Variants in LPP observed in about 807,000 individuals in gnomAD.
LPP encodes LIM domain containing preferred translocation partner in lipoma.
A neutral mutation model predicts 60.4 loss-of-function variants in LPP; 38 were observed. The ratio of observed to expected loss-of-function variants is 0.63; its 90% confidence interval spans 0.49 to 0.83. LPP has a LOEUF of 0.83. Among genes scored for constraint, LPP ranks in the 40% least tolerant of loss-of-function variants. The probability of loss-of-function intolerance (pLI) is 0.00; values close to 1 mark genes in which losing one functional copy is unlikely to be tolerated. For synonymous variants in LPP, 328 were observed against 290.8 expected (o/e 1.13, Z -1.30); for missense variants, 902 against 783.6 (o/e 1.15, Z -1.80).
intron 9 of LPP, among the ~76,000 whole-genome samples, chr3:188,786,298 G>A (rs1051869504): frequency 5.6e-5 from 8 of 142,304 alleles, no homozygotes; most frequent in Non-Finnish European, 1.2e-4. Flanking sequence ...CAGGAGCATT[G>A]TTTGAACCTG....
chr3:188,722,946 T>G (rs1717033424), intron 8 of LPP, among the ~76,000 whole-genome samples: 1 of 152,218 alleles, frequency 6.6e-6, no homozygotes, highest in South Asian at 2.1e-4. Context: ...TATCTCTATT[T>G]GAATTAACAC....
chr3:188,592,557 G>GTTTTTGTTTTTTTTTTTTTTTT (rs1839048506), intron 6 of LPP, among the ~76,000 whole-genome samples: 1 of 85,756 alleles, frequency 1.2e-5, no homozygotes, highest in African/African-American at 4.5e-5. Context: ...TTTTGTTTTT[G>GTTTTTGTTTTTTTTTTTTTTTT]TTTTTTAAAT....
chr3:188,639,045 C>T (rs1473966954), intron 7 of LPP, among the ~76,000 whole-genome samples: 2 of 150,640 alleles, frequency 1.3e-5, no homozygotes, highest in Admixed American at 6.6e-5. Context: ...CAAAAAAGAG[C>T]CCGCATCACC....
chr3:188,210,472 A>T (rs538100670), intron 1 of LPP, among the ~76,000 whole-genome samples: 1 of 152,328 alleles, frequency 6.6e-6, no homozygotes, highest in Non-Finnish European at 1.5e-5. Context: ...GCAGGAGATA[A>T]TGATCTTTGC....
intron 2 of LPP, among the ~76,000 whole-genome samples, chr3:188,236,054 A>C (rs1223684458): frequency 4.6e-5 from 7 of 152,172 alleles, no homozygotes; most frequent in Non-Finnish European, 1.0e-4. Context: ...GCTAGACACT[A>C]TTCCAGGTGA....
chr3:188,850,441 A>G (rs997643969), intron 9 of LPP, among the ~76,000 whole-genome samples: 12 of 152,158 alleles, frequency 7.9e-5, no homozygotes, highest in African/African-American at 2.9e-4. Context: ...GAAATATATT[A>G]ATATTTAGAA....
chr3:188,244,861 G>T (rs189725935), intron 2 of LPP, among the ~76,000 whole-genome samples: 1 of 152,296 alleles, frequency 6.6e-6, no homozygotes, highest in East Asian at 1.9e-4. Flanking sequence ...GCCTCAGCAT[G>T]TACATCGGTA....
intron 9 of LPP, among the ~76,000 whole-genome samples, chr3:188,865,696 A>G (rs1398429807): frequency 6.6e-6 from 1 of 151,914 alleles, no homozygotes; most frequent in Admixed American, 6.5e-5. Context: ...TTTTTTTTGT[A>G]AATAAAGTAT....
intron 9 of LPP, among the ~76,000 whole-genome samples, chr3:188,794,627 G>T (rs1197811255): frequency 6.6e-6 from 1 of 152,132 alleles, no homozygotes; most frequent in Non-Finnish European, 1.5e-5. Flanking sequence ...GCACAAAAAA[G>T]AATTCGATAT....
In LPP at chr3:188,556,604, G is replaced by GT. The variant is rs139756934; in HGVS notation, c.429+31824dup. Among the ~76,000 whole-genome samples, 1,316 of 151,168 alleles carry GT rather than the reference G, an allele frequency of 8.7e-3. 28 individuals carry two copies. The highest frequency in any genetic ancestry group is 0.03 in the African/African-American group (1,255 of 41,236). Reference sequence around the variant, plus strand: ...CGGTTGCACTATTTTCTGCCTTTTTGTTTTTTTGGTTTGATTTTTTTTCAG... The same window carrying GT: ...CGGTTGCACTATTTTCTGCCTTTTTGTTTTTTTTGGTTTGATTTTTTTTCAG... On this transcript the variant is annotated intron_variant, in intron 6 of 11. Transcript: ENST00000617246.
intron 6 of LPP, among the ~76,000 whole-genome samples, chr3:188,529,564 T>A (rs1821581842): frequency 6.6e-6 from 1 of 151,916 alleles, no homozygotes; most frequent in Non-Finnish European, 1.5e-5. Flanking sequence ...ATGTGAGCTC[T>A]TGAAAATAGG....
intron 3 of LPP, 96 bp from the exon 4 acceptor site, chr3:188,406,016 G>A (rs1182654926): frequency 2.0e-6 from 2 of 980,628 alleles, no homozygotes; most frequent in Non-Finnish European, 3.0e-6. Flanking sequence ...TTATCAGGAT[G>A]CATTTAGTAT....
At chr3:188,489,237 C>A (rs760279741) in intron 5 of LPP, among the ~76,000 whole-genome samples, 1 of 152,102 alleles carries the variant, frequency 6.6e-6, no homozygotes, top group Non-Finnish European at 1.5e-5. Flanking sequence ...TCGGAAGATG[C>A]ATATACACAG....
intron 2 of LPP, among the ~76,000 whole-genome samples, chr3:188,230,246 C>T (rs1719393287): frequency 6.6e-6 from 1 of 151,948 alleles, no homozygotes; most frequent in African/African-American, 2.4e-5. Flanking sequence ...CCGCCACGCC[C>T]AGCTAATTTT....
chr3:188,637,424 A>C (rs1383882339), intron 7 of LPP, among the ~76,000 whole-genome samples: 1 of 151,946 alleles, frequency 6.6e-6, no homozygotes, highest in Non-Finnish European at 1.5e-5. Context: ...AAGATCCAAA[A>C]TTGACACCCT....
intron 9 of LPP, among the ~76,000 whole-genome samples, chr3:188,813,501 AG>A (rs1751646027): frequency 6.6e-6 from 1 of 152,206 alleles, no homozygotes; most frequent in Non-Finnish European, 1.5e-5. Context: ...TATTCCAGGT[AG>A]TATCTCCAGA....
At chr3:188,795,719 A>G (rs1185844881) in intron 9 of LPP, among the ~76,000 whole-genome samples, 2 of 152,196 alleles carry the variant, frequency 1.3e-5, no homozygotes, top group African/African-American at 4.8e-5. Context: ...CGTCATCATC[A>G]TCGTCATCAG....
chr3:188,835,738 G>C (rs1758295338), intron 9 of LPP, among the ~76,000 whole-genome samples: 1 of 152,206 alleles, frequency 6.6e-6, no homozygotes. Flanking sequence ...GATGTGACAA[G>C]TCTCTACCTT....
rs540033752 is a variant in LPP at position 188,804,378 on chromosome 3, TTAGAAA to T, written c.1410+44103_1410+44108del. Among the ~76,000 whole-genome samples the T allele has an allele frequency of 3.9e-3, 575 of 147,606 alleles. 4 individuals are homozygous for T. Among genetic ancestry groups the T allele is most frequent in the African/African-American group, 0.014 (559 of 40,082 alleles). ...GGGTCGTTATCCTAAATGAAATAAA[TTAGAAA>T]TAGAAAGCCAAATACTGCATGTGGT... On this transcript the variant is annotated intron_variant, in intron 9 of 11. Coordinates refer to ENST00000617246, the MANE Select transcript of LPP (RefSeq NM_001375462.1).
Sources: gnomAD v4.1 joint callset for allele counts (sites outside exome capture counted in the v4.1 genomes callset) on GRCh38, gnomAD v4.1.1 for gene constraint, MANE v1.5 for transcripts, NCBI Gene and HGNC (gene_info 2026-07-23, HGNC 2026-07-21) for gene names.